The following IGF2BP2 variants were observed in gnomAD, a reference collection of about 807,000 sequenced individuals.
IGF2BP2 encodes the protein insulin like growth factor 2 mRNA binding protein 2.
Under a neutral mutation model 75.8 loss-of-function variants are expected in IGF2BP2, and 17 were observed. The observed-to-expected ratio is 0.22, with a 90% CI of 0.15 to 0.34. IGF2BP2 has a LOEUF of 0.34. Ranked by LOEUF, IGF2BP2 falls within the 10% of genes least tolerant of loss-of-function variation. The pLI is 1.00. For synonymous variants in IGF2BP2, 288 were observed against 295.6 expected, an observed-to-expected ratio of 0.97 and a Z score of 0.26; for missense variants, 516 against 772.4, an observed-to-expected ratio of 0.67 and a Z score of 3.93.
chr3:185,734,253 C>G (rs1450808784), intron 2 of IGF2BP2, among the ~76,000 whole-genome samples: 1 of 152,182 alleles, frequency 6.6e-6, no homozygotes, highest in Non-Finnish European at 1.5e-5. Context: ...TCAATTCCAA[C>G]AACAGCTCTG....
At chr3:185,713,326 GC>G in intron 2 of IGF2BP2, 1 of 474,888 alleles carries the variant, frequency 2.1e-6, no homozygotes, top group Non-Finnish European at 4.2e-6. Flanking sequence ...GCTCTGTAAA[GC>G]CCATTTTCAC....
chr3:185,668,445 G>A (rs2149188576), intron 10 of IGF2BP2, among the ~76,000 whole-genome samples: 1 of 149,400 alleles, frequency 6.7e-6, no homozygotes, highest in East Asian at 1.9e-4. Context: ...AAAGGCTGAA[G>A]GGAAATGTTT....
At chr3:185,735,021 C>A (rs972343808) in intron 2 of IGF2BP2, among the ~76,000 whole-genome samples, 4 of 152,050 alleles carry the variant, frequency 2.6e-5, no homozygotes, top group Non-Finnish European at 5.9e-5. Flanking sequence ...AAAAGGCAGT[C>A]CTTACTCTAA....
At chr3:185,682,719 T>C (rs1423566743) in intron 7 of IGF2BP2, among the ~76,000 whole-genome samples, 3 of 152,126 alleles carry the variant, frequency 2.0e-5, no homozygotes, top group Non-Finnish European at 4.4e-5. Flanking sequence ...ATCAGAGAAA[T>C]ACAAATCAAG....
chr3:185,646,953 C>G (rs1357624424), intron 15 of IGF2BP2, 72 bp downstream of exon 15: 14 of 1,180,396 alleles, frequency 1.2e-5, no homozygotes, highest in Admixed American at 8.5e-5. Context: ...GGCCACCTGA[C>G]AGGCCACCAG....
At chr3:185,700,705 T>C (rs1011051685) in intron 2 of IGF2BP2, among the ~76,000 whole-genome samples, 4 of 152,170 alleles carry the variant, frequency 2.6e-5, no homozygotes, top group African/African-American at 7.2e-5. Context: ...AATTTACTGG[T>C]AGATATTCTA....
At chr3:185,709,576 AG>A (rs1724513915) in intron 2 of IGF2BP2, among the ~76,000 whole-genome samples, 1 of 152,380 alleles carries the variant, frequency 6.6e-6, no homozygotes, top group East Asian at 1.9e-4. Context: ...AAGTGACAGC[AG>A]TTTACTTCTG....
chr3:185,718,454 G>A (rs892264763), intron 2 of IGF2BP2, among the ~76,000 whole-genome samples: 26 of 152,100 alleles, frequency 1.7e-4, no homozygotes, highest in Non-Finnish European at 3.5e-4. Context: ...TTGGGAGGCC[G>A]AGGCGGGCAG....
intron 10 of IGF2BP2, among the ~76,000 whole-genome samples, chr3:185,660,302 T>G (rs773004822): frequency 2.0e-5 from 3 of 152,190 alleles, no homozygotes; most frequent in Non-Finnish European, 4.4e-5. Flanking sequence ...TGGCTGAGGT[T>G]TGGAGTCTGG....
At chr3:185,786,305 C>T (rs539072689) in intron 2 of IGF2BP2, among the ~76,000 whole-genome samples, 2 of 152,132 alleles carry the variant, frequency 1.3e-5, no homozygotes, top group African/African-American at 4.8e-5. Context: ...TTCGTAGAAC[C>T]TGTCAGGCCT....
At chr3:185,780,903 C>T (rs774903549) in intron 2 of IGF2BP2, among the ~76,000 whole-genome samples, 11 of 152,178 alleles carry the variant, frequency 7.2e-5, no homozygotes, top group Non-Finnish European at 1.5e-4. Flanking sequence ...TGGCTCACAT[C>T]TTGTGATTCC....
intron 12 of IGF2BP2, among the ~76,000 whole-genome samples, chr3:185,655,148 T>G (rs1715231230): frequency 6.6e-6 from 1 of 152,242 alleles, no homozygotes; most frequent in Non-Finnish European, 1.5e-5. Flanking sequence ...TTTTATTTTT[T>G]TGAGACAGAG....
chr3:185,703,221 C>A (rs970572160), intron 2 of IGF2BP2, among the ~76,000 whole-genome samples: 4 of 152,298 alleles, frequency 2.6e-5, no homozygotes, highest in Admixed American at 6.5e-5. Flanking sequence ...TTATAGTTGA[C>A]GGGTTCCAAG....
At position 185,644,656 on chromosome 3, in the gene IGF2BP2, T is replaced by C. The variant is rs527536971; in HGVS notation, c.*875A>G. ...ATGAGGAAATTCAAAAGAATGGAGA[T>C]GGAGAAGAAGGGGAGGGGAGGGAGG... On this transcript the variant is annotated 3_prime_UTR_variant, in exon 16 of 16. Coordinates refer to ENST00000382199, the MANE Select transcript of IGF2BP2 (RefSeq NM_006548.6). 4.9e-5 allele frequency: 3 copies of C among 61,462 alleles called. No homozygotes were observed. Among genetic ancestry groups the C allele is most frequent in the Admixed American group, 4.5e-4 (2 of 4,398 alleles). 3.8% of individuals were successfully genotyped at this position (61,462 alleles called of 1,614,324 possible).
At position 185,675,434 on chromosome 3, in the gene IGF2BP2, G is replaced by A. The variant is rs1203608645; in HGVS notation, c.936-3C>T. The A allele has an allele frequency of 6.3e-7, 1 of 1,598,036 alleles. No homozygotes were observed. The highest frequency in any genetic ancestry group is 1.8e-5 in the Admixed American group (1 of 54,184). ...TGTATATGCTCAAATCCTGCAAACT[G>A]ACCCATGAGAAGAAAAGAGAAATTT... is the stretch of plus-strand genomic sequence containing the variant. On this transcript the variant is annotated splice_polypyrimidine_tract_variant and splice_region_variant and intron_variant, in intron 8 of 15. Transcript: ENST00000382199.
At chr3:185,740,742 C>G (rs1450535607) in intron 2 of IGF2BP2, among the ~76,000 whole-genome samples, 1 of 152,182 alleles carries the variant, frequency 6.6e-6, no homozygotes, top group Non-Finnish European at 1.5e-5. Context: ...AGGTTAGAGC[C>G]AGGATGTAAG....
chr3:185,689,135 A>G, intron 6 of IGF2BP2: 1 of 566,546 alleles, frequency 1.8e-6, no homozygotes, highest in South Asian at 2.3e-5. Context: ...TGAGGTTATC[A>G]GTACCCTCTT....
chr3:185,821,495 A>G lies in IGF2BP2; in HGVS notation c.239+1658T>C, dbSNP rs115685995. On this transcript the variant is annotated intron_variant, in intron 2 of 15. Coordinates refer to ENST00000382199, the MANE Select transcript of IGF2BP2 (RefSeq NM_006548.6). ...CAAATAATCTGCATTTTGAAAGAAAAAAGATAAAAAGTAGTACATTTGTGA... is the reference window on the plus strand; with the variant it reads ...CAAATAATCTGCATTTTGAAAGAAAGAAGATAAAAAGTAGTACATTTGTGA... Among the ~76,000 whole-genome samples, 349 of 152,358 alleles carry G rather than the reference A, an allele frequency of 2.3e-3. 1 individual carries two copies. The highest frequency in any genetic ancestry group is 7.9e-3 in the African/African-American group (330 of 41,592).
intron 2 of IGF2BP2, among the ~76,000 whole-genome samples, chr3:185,787,373 T>C (rs1736039848): frequency 1.3e-5 from 2 of 152,316 alleles, no homozygotes; most frequent in South Asian, 4.1e-4. Flanking sequence ...TTAACGTTTG[T>C]TCAATACCCA....
Sources: gnomAD v4.1 joint callset for allele counts (sites outside exome capture counted in the v4.1 genomes callset) on GRCh38, gnomAD v4.1.1 for gene constraint, MANE v1.5 for transcripts, NCBI Gene and HGNC (gene_info 2026-07-23, HGNC 2026-07-21) for gene names.